Variants in SETD4 observed in about 807,000 individuals in gnomAD.
The protein encoded by SETD4 is SET domain containing 4, also known as SET domain-containing protein 4.
Under a neutral mutation model 58.3 loss-of-function variants are expected in SETD4, and 46 were observed. The observed-to-expected ratio is 0.79, with a 90% confidence interval of 0.62 to 1.01. The LOEUF is 1.01. Among genes scored for constraint, SETD4 ranks in the 50% least tolerant of loss-of-function variants. SETD4 has a pLI of 0.00. For missense variants in SETD4, 490 were observed against 523.3 expected (o/e 0.94, Z 0.62); for synonymous variants, 190 against 202.6 (o/e 0.94, Z 0.53).
chr21:36,060,120 C>T, intron 1 of SETD4: 2 of 985,612 alleles, frequency 2.0e-6, no homozygotes, highest in African/African-American at 1.7e-5. Context: ...GGGCCTCAGG[C>T]TCCTCAGCTT....
intron 3 of SETD4, among the ~76,000 whole-genome samples, chr21:36,054,149 T>C (rs1437828120): frequency 6.6e-6 from 1 of 152,226 alleles, no homozygotes; most frequent in Non-Finnish European, 1.5e-5. Flanking sequence ...GGGCTCTCCA[T>C]GACCTGGTGA....
chr21:36,051,519 G>A, intron 4 of SETD4: 1 of 1,264,626 alleles, frequency 7.9e-7, no homozygotes, highest in Non-Finnish European at 1.0e-6. Flanking sequence ...TGGAGAGAGT[G>A]GGAGATAGAC....
At chr21:36,057,321 G>T in intron 2 of SETD4, 117 bp from the exon 3 acceptor site, 1 of 813,526 alleles carries the variant, frequency 1.2e-6, no homozygotes, top group African/African-American at 1.7e-5. Context: ...AGTAAGAATT[G>T]GTGTATCTAA....
intron 6 of SETD4, among the ~76,000 whole-genome samples, chr21:36,044,236 TCA>T (rs2064199092): frequency 6.6e-6 from 1 of 152,210 alleles, no homozygotes; most frequent in Admixed American, 6.5e-5. Flanking sequence ...TCACGTCCAC[TCA>T]CAGCCCAGGG....
Position 36,045,878 on chromosome 21 carries a change from CCAAA to C in SETD4, c.426_429del (p.Cys142TrpfsTer6), listed in dbSNP as rs1213049676. 5 of 1,614,080 alleles carry C rather than the reference CCAAA, an allele frequency of 3.1e-6. No individual in the cohort carries two copies. The highest frequency in any genetic ancestry group is 2.2e-5 in the East Asian group (1 of 44,894). On this transcript the variant is annotated frameshift_variant, in exon 6 of 12. Coordinates refer to ENST00000332131, the MANE Select transcript of SETD4 (RefSeq NM_017438.5). LOFTEE classifies it high-confidence loss of function. ...GGAAGAAGGTTCACCACTTCCGGCT[CCAAA>C]CAAACAGGGCAGGTATACGCCTTGG...
At chr21:36,043,562 C>G in intron 7 of SETD4, 1 of 1,378,736 alleles carries the variant, frequency 7.3e-7, no homozygotes, top group South Asian at 1.8e-5. Flanking sequence ...TGACCCAATG[C>G]AATGAAAACT....
intron 1 of SETD4, 147 bp from the exon 2 acceptor site, chr21:36,059,071 T>C (rs1601303211): frequency 1.0e-6 from 1 of 994,712 alleles, no homozygotes; most frequent in East Asian, 2.9e-5. Flanking sequence ...TGGTAAACTG[T>C]TTCTCTCAAG....
At chr21:36,059,725 C>A in intron 1 of SETD4, 1 of 977,756 alleles carries the variant, frequency 1.0e-6, no homozygotes, top group Non-Finnish European at 1.2e-6. Flanking sequence ...AAAAATAAAT[C>A]TACTTCTAAA....
intron 10 of SETD4, 94 bp from the exon 11 acceptor site, chr21:36,036,345 G>T: frequency 8.1e-7 from 1 of 1,230,450 alleles, no homozygotes; most frequent in Non-Finnish European, 1.1e-6. Context: ...TTAAGTGTAT[G>T]GTTCAGCAGC....
intron 4 of SETD4, among the ~76,000 whole-genome samples, chr21:36,048,935 T>G (rs2064493411): frequency 6.6e-6 from 1 of 152,034 alleles, no homozygotes; most frequent in African/African-American, 2.4e-5. Context: ...CTTCACTTTC[T>G]TATGCCAGGA....
At chr21:36,057,924 C>G (rs1036788836) in intron 2 of SETD4, among the ~76,000 whole-genome samples, 1 of 152,184 alleles carries the variant, frequency 6.6e-6, no homozygotes. Flanking sequence ...ATATCTTGTA[C>G]CATATCCAGT....
intron 6 of SETD4, 57 bp downstream of exon 6, chr21:36,045,525 G>A: frequency 1.3e-6 from 2 of 1,569,250 alleles, no homozygotes; most frequent in Non-Finnish European, 1.7e-6. Context: ...CACAGGTTCT[G>A]GGCAGCGGAA....
At chr21:36,044,002 A>C in intron 6 of SETD4, 46 bp from the exon 7 acceptor site, 1 of 1,589,032 alleles carries the variant, frequency 6.3e-7, no homozygotes, top group Non-Finnish European at 8.6e-7. Flanking sequence ...AAGGTGTAAA[A>C]CTCCAAAGCT....
In SETD4 at chr21:36,054,484, A is replaced by G. The variant is rs116053680; in HGVS notation, c.170-864T>C. 7.3e-3 allele frequency among the ~76,000 whole-genome samples: 1,105 copies of G among 152,272 alleles called. 16 individuals are homozygous for G. Among genetic ancestry groups the G allele is most frequent in the African/African-American group, 0.025 (1,051 of 41,552 alleles). The stretch of plus-strand genomic sequence containing the variant: ...CCTCTCTTAGCTGGGAGGGAAAATA[A>G]TTCAGCCAAGTCAGTGCAGGACTAC... On this transcript the variant is annotated intron_variant, in intron 3 of 11. Transcript: ENST00000332131.
At chr21:36,048,844 A>G (rs1228706231) in intron 4 of SETD4, among the ~76,000 whole-genome samples, 1 of 151,808 alleles carries the variant, frequency 6.6e-6, no homozygotes, top group East Asian at 1.9e-4. Context: ...CAGCCTCCCA[A>G]GCAGCTGGGA....
intron 5 of SETD4, 55 bp from the exon 6 acceptor site, chr21:36,046,066 A>T: frequency 6.4e-7 from 1 of 1,567,178 alleles, no homozygotes; most frequent in Non-Finnish European, 8.6e-7. Context: ...AATACGAAAT[A>T]AGCCAAGCAG....
At chr21:36,040,764 T>C (rs1037201328) in intron 8 of SETD4, 109 bp from the exon 9 acceptor site, 58 of 931,564 alleles carry the variant, frequency 6.2e-5, no homozygotes, top group South Asian at 1.3e-4. Flanking sequence ...CTAAATGTCA[T>C]GTAACCTGCA....
rs1219794539 is a variant in SETD4, at chr21:36,060,343, T to A, written c.-37+4A>T. On this transcript the variant is annotated splice_donor_region_variant and intron_variant, in intron 1 of 11. Transcript: ENST00000332131. The stretch of plus-strand genomic sequence containing the variant: ...GGCCCGACCCGGAAGTCCTACTAGC[T>A]CACCTAGGCGCCGGCGGCCGCTTCC... 5 of 173,338 alleles carry A rather than the reference T, an allele frequency of 2.9e-5. No homozygotes were observed. The highest frequency in any genetic ancestry group is 1.2e-4 in the African/African-American group (5 of 41,842). 10.7% of individuals were successfully genotyped at this position (173,338 alleles called of 1,614,324 possible).
intron 9 of SETD4, 63 bp downstream of exon 9, chr21:36,040,512 C>A (rs921893296): frequency 2.5e-5 from 36 of 1,441,222 alleles, no homozygotes; most frequent in Non-Finnish European, 3.3e-5. Flanking sequence ...ACAAACAAAC[C>A]AACCCTCCAA....
Sources: gnomAD v4.1 joint callset for allele counts (sites outside exome capture counted in the v4.1 genomes callset) on GRCh38, gnomAD v4.1.1 for gene constraint, MANE v1.5 for transcripts, NCBI Gene and HGNC (gene_info 2026-07-23, HGNC 2026-07-21) for gene names.